FGF12: variants seen among roughly 807,000 people sequenced by gnomAD.
FGF12 encodes fibroblast growth factor 12, also known as fibroblast growth factor 12B.
In FGF12, 14 loss-of-function variants were observed where a neutral mutation model predicts 23.6. The ratio of observed to expected loss-of-function variants is 0.59; its 90% CI spans 0.39 to 0.93. FGF12 has a LOEUF of 0.93. Ranked by LOEUF, FGF12 falls within the 40% of genes least tolerant of loss-of-function variation. The pLI is 0.00. For missense variants in FGF12, 175 were observed against 217.8 expected (o/e 0.80, Z 1.24); for synonymous variants, 62 against 77.3 (o/e 0.80, Z 1.04).
At chr3:192,263,049 T>C (rs1240618014) in intron 4 of FGF12, among the ~76,000 whole-genome samples, 1 of 152,094 alleles carries the variant, frequency 6.6e-6, no homozygotes, top group Non-Finnish European at 1.5e-5. Context: ...GTCATTAGCA[T>C]AAACACTCTG....
In FGF12 at chr3:192,212,072, T is replaced by C. The variant is rs537984034; in HGVS notation, c.229-41416A>G. Among the ~76,000 whole-genome samples the C allele has an allele frequency of 3.9e-5, 6 of 152,326 alleles. No homozygotes were observed. In the East Asian group the frequency reaches 1.2e-3, roughly 29 times the overall value. On this transcript the variant is annotated intron_variant, in intron 4 of 5. Coordinates refer to ENST00000445105, the MANE Select transcript of FGF12 (RefSeq NM_004113.6). Reference sequence around the variant, plus strand: ...TGTTTTGCCTAACTTCTTTTTCAAATGCATCCTCTCTGTGTTGCAACACTG... The same window carrying C: ...TGTTTTGCCTAACTTCTTTTTCAAACGCATCCTCTCTGTGTTGCAACACTG...
intron 2 of FGF12, among the ~76,000 whole-genome samples, chr3:192,692,498 C>G (rs1177187141): frequency 6.6e-6 from 1 of 152,046 alleles, no homozygotes; most frequent in Non-Finnish European, 1.5e-5. Context: ...AGAGCTCAGG[C>G]ATTCAAGACC....
chr3:192,237,484 T>A (rs112995226), intron 4 of FGF12, among the ~76,000 whole-genome samples: 2,041 of 152,306 alleles, frequency 0.013, 17 homozygotes, highest in Non-Finnish European at 0.021. Context: ...GAGTTACAGG[T>A]TTGGTCTCCT....
At chr3:192,704,839 A>T (rs1219049604) in intron 2 of FGF12, among the ~76,000 whole-genome samples, 1 of 152,238 alleles carries the variant, frequency 6.6e-6, no homozygotes, top group Non-Finnish European at 1.5e-5. Context: ...CAGCTTCTAC[A>T]TTAGCACTTG....
chr3:192,572,034 G>GA (rs1712663848), intron 2 of FGF12, among the ~76,000 whole-genome samples: 1 of 151,792 alleles, frequency 6.6e-6, no homozygotes, highest in Non-Finnish European at 1.5e-5. Flanking sequence ...GTATACAATG[G>GA]ACAATTTAGT....
In FGF12 at chr3:192,514,800, G is replaced by A. The variant is rs1724610361; in HGVS notation, c.14-154262C>T. ...GGGTTGGTCAACTCCCCGCCCACCT[G>A]CGCTAGTAGTCCAACCAACAGGCGG... On this transcript the variant is annotated intron_variant, in intron 2 of 5. Transcript: ENST00000445105. This position sits in a 1 kb window ranked among gnomAD's most constrained non-coding sequence, Gnocchi z 4.9. 1.0e-6 allele frequency: 1 copy of A among 985,388 alleles called. No individual in the cohort carries two copies. The highest frequency in any genetic ancestry group is 4.7e-5 in the South Asian group (1 of 21,280). The allele number at this position is 985,388 out of a possible 1,614,324, so 61.0% of individuals were successfully genotyped here.
In FGF12 at chr3:192,187,796, A is replaced by G. The variant is rs1418900847; in HGVS notation, c.229-17140T>C. ...CAGATGGAAAGAAAAAAGAAAAAAG[A>G]GAAAACTAAGAAAAGAAAGTGAAGG... On this transcript the variant is annotated intron_variant, in intron 4 of 5. Transcript: ENST00000445105. Among the ~76,000 whole-genome samples, 4 of 152,114 alleles carry G rather than the reference A, an allele frequency of 2.6e-5. 1 individual carries two copies. Among genetic ancestry groups the G allele is most frequent in the Non-Finnish European group, 5.9e-5 (4 of 67,998 alleles).
intron 2 of FGF12, among the ~76,000 whole-genome samples, chr3:192,493,911 C>G (rs933940943): frequency 6.6e-6 from 1 of 151,686 alleles, no homozygotes; most frequent in Non-Finnish European, 1.5e-5. Context: ...AGATCCAAAC[C>G]CTATCACAGG....
At chr3:192,233,939 C>A (rs760795249) in intron 4 of FGF12, among the ~76,000 whole-genome samples, 1 of 152,070 alleles carries the variant, frequency 6.6e-6, no homozygotes, top group African/African-American at 2.4e-5. Context: ...TTTACTGTAG[C>A]CTACTACTGT....
At chr3:192,451,640 A>T (rs1269522931) in intron 2 of FGF12, among the ~76,000 whole-genome samples, 3 of 152,242 alleles carry the variant, frequency 2.0e-5, no homozygotes, top group Non-Finnish European at 4.4e-5. Context: ...TCCCAGACAC[A>T]ATGAATATGT....
chr3:192,369,866 T>C (rs1407718961), intron 2 of FGF12, among the ~76,000 whole-genome samples: 1 of 152,170 alleles, frequency 6.6e-6, no homozygotes, highest in Non-Finnish European at 1.5e-5. Flanking sequence ...ACAAATAAAA[T>C]GCCACGGAAT....
intron 4 of FGF12, among the ~76,000 whole-genome samples, chr3:192,184,371 A>G (rs781582097): frequency 1.3e-4 from 20 of 152,274 alleles, no homozygotes; most frequent in Non-Finnish European, 2.4e-4. Flanking sequence ...TTTTGGCTGC[A>G]GGTAGGAAGT....
intron 2 of FGF12, among the ~76,000 whole-genome samples, chr3:192,574,199 G>A (rs1283943170): frequency 6.6e-6 from 1 of 152,224 alleles, no homozygotes; most frequent in Admixed American, 6.5e-5. Context: ...GAGTGCAGAA[G>A]TTAGCTAGTC....
At chr3:192,553,042 A>G (rs1208620388) in intron 2 of FGF12, among the ~76,000 whole-genome samples, 6 of 152,234 alleles carry the variant, frequency 3.9e-5, no homozygotes, top group Admixed American at 2.6e-4. Flanking sequence ...TGAGGATAAA[A>G]TAAACATTTT....
At chr3:192,536,960 C>G (rs1725238559) in intron 2 of FGF12, among the ~76,000 whole-genome samples, 1 of 152,110 alleles carries the variant, frequency 6.6e-6, no homozygotes, top group Admixed American at 6.6e-5. Context: ...CACTACACTT[C>G]CTAGCCTCTG....
chr3:192,451,302 G>T (rs1156863363), intron 2 of FGF12, among the ~76,000 whole-genome samples: 2 of 152,146 alleles, frequency 1.3e-5, no homozygotes, highest in Non-Finnish European at 2.9e-5. Flanking sequence ...CACTCTCTTT[G>T]TTCTATGCCA....
intron 2 of FGF12, among the ~76,000 whole-genome samples, chr3:192,469,179 T>C (rs903434894): frequency 3.3e-5 from 5 of 152,166 alleles, no homozygotes; most frequent in Admixed American, 1.3e-4. Context: ...AGCGCTGCAA[T>C]CTAGCACTTC....
chr3:192,236,759 T>C (rs1719321222), intron 4 of FGF12, among the ~76,000 whole-genome samples: 1 of 152,152 alleles, frequency 6.6e-6, no homozygotes, highest in South Asian at 2.1e-4. Flanking sequence ...GAGATGGATC[T>C]ACAGTTGGGT....
At chr3:192,640,978 AGTTT>A (rs1456384934) in intron 2 of FGF12, among the ~76,000 whole-genome samples, 4 of 151,604 alleles carry the variant, frequency 2.6e-5, no homozygotes, top group African/African-American at 9.7e-5. Context: ...ATGCCCAGCT[AGTTT>A]GTTTTATTTT....
Sources: allele counts gnomAD v4.1 joint callset (sites outside exome capture counted in the v4.1 genomes callset), GRCh38; gene constraint gnomAD v4.1.1; non-coding constraint Gnocchi (gnomAD v3.1); transcripts MANE v1.5; gene names NCBI Gene and HGNC (gene_info 2026-07-23, HGNC 2026-07-21).